The following SMUG1 variants were observed in gnomAD, a reference collection of about 807,000 sequenced individuals.
The protein encoded by SMUG1 is single-strand selective monofunctional uracil DNA glycosylase.
Under a neutral mutation model 23.9 loss-of-function variants are expected in SMUG1, and 13 were observed. The ratio of observed to expected loss-of-function variants is 0.54; its 90% confidence interval spans 0.35 to 0.86. The LOEUF (loss-of-function observed/expected upper bound fraction) is 0.86. SMUG1 is among the 40% of genes least tolerant of loss of function. The pLI, the probability that SMUG1 is intolerant of heterozygous loss-of-function variation, is 0.01. For synonymous variants in SMUG1, 133 were observed against 139.8 expected (o/e 0.95, Z 0.34); for missense variants, 313 against 339.5 (o/e 0.92, Z 0.61).
At chr12:54,168,790 G>T (rs917910721) in intron 3 of SMUG1, among the ~76,000 whole-genome samples, 1 of 152,122 alleles carries the variant, frequency 6.6e-6, no homozygotes, top group Non-Finnish European at 1.5e-5. Flanking sequence ...AGACCCCAAA[G>T]CTGATGAGGG....
chr12:54,163,653 C>T (rs1940345420), downstream of SMUG1, among the ~76,000 whole-genome samples: 1 of 152,116 alleles, frequency 6.6e-6, no homozygotes, highest in Non-Finnish European at 1.5e-5. Flanking sequence ...CAGCTTCTTC[C>T]AGGGCTGGAA....
downstream of SMUG1, among the ~76,000 whole-genome samples, chr12:54,176,507 T>TCCCTCC (rs1555199084): frequency 1.6e-5 from 1 of 64,394 alleles, no homozygotes; most frequent in Admixed American, 1.5e-4. Flanking sequence ...GAAGATCCTG[T>TCCCTCC]CCCCCCCCAA....
At chr12:54,184,110 A>T in intron 2 of SMUG1, 151 bp from the exon 3 acceptor site, 1 of 564,964 alleles carries the variant, frequency 1.8e-6, no homozygotes, top group East Asian at 3.0e-5. Flanking sequence ...AGTAGGACTG[A>T]ACTCATCTCA....
At chr12:54,180,089 C>G (rs1940862534), downstream of SMUG1, among the ~76,000 whole-genome samples, 1 of 152,228 alleles carries the variant, frequency 6.6e-6, no homozygotes, top group Non-Finnish European at 1.5e-5. Flanking sequence ...TCTAGCCCCT[C>G]TCCCCTCCCT....
rs758092563 is a variant in SMUG1, at chr12:54,183,758, T to G, written c.183A>C (p.Ala61=). The G allele has an allele frequency of 3.7e-6, 6 of 1,613,964 alleles. No homozygotes were observed. The South Asian group carries it at 6.6e-5, about 18-fold the overall frequency. The change falls in exon 3 of 4, where the codon GCA becomes GCC. Residue 61 remains alanine, a synonymous_variant. Coordinates refer to ENST00000682136, the MANE Select transcript of SMUG1 (RefSeq NM_001243787.2). The part of the protein sequence containing the change: ...VGIIYNPVEY[A]WEPHRNYVTR... ...TCACGTAGTTGCGATGTGGCTCCCA[T>G]GCATACTCCACGGGATTGTAGATGA...
At chr12:54,169,741 T>C (rs1940566684) in intron 3 of SMUG1, among the ~76,000 whole-genome samples, 1 of 152,246 alleles carries the variant, frequency 6.6e-6, no homozygotes, top group African/African-American at 2.4e-5. Flanking sequence ...AGTCCTCCAC[T>C]GCTATTCTGC....
At chr12:54,168,429 A>G (rs918822890) in intron 3 of SMUG1, 3 of 152,196 alleles carry the variant, frequency 2.0e-5, no homozygotes, top group Admixed American at 2.0e-4. Context: ...GACCTATTCA[A>G]TCCAACTCTC....
intron 3 of SMUG1, chr12:54,183,125 C>T: frequency 5.3e-6 from 1 of 188,294 alleles, no homozygotes; most frequent in Non-Finnish European, 1.1e-5. Flanking sequence ...GAAGCCTCTT[C>T]CCCTCCCCCA....
Position 54,175,322 on chromosome 12 carries a change from C to A in SMUG1, c.399-3213G>T, listed in dbSNP as rs547376083. Among the ~76,000 whole-genome samples the A allele has an allele frequency of 2.5e-4, 38 of 152,322 alleles. 1 individual carries two copies. Among genetic ancestry groups the A allele is most frequent in the East Asian group, 9.6e-4 (5 of 5,190 alleles). On this transcript the variant is annotated intron_variant and NMD_transcript_variant, in intron 2 of 4. Transcript: ENST00000509864. Reference sequence around the variant, plus strand: ...CACCATCTGCTGCAGTTTTCCATCCCCAAAGTTAACAGATGTGTTCTGAAA... The same window carrying A: ...CACCATCTGCTGCAGTTTTCCATCCACAAAGTTAACAGATGTGTTCTGAAA...
In SMUG1 at chr12:54,184,099, A is replaced by AAGTAGGACTG; in HGVS notation, c.-19-150_-19-141dup. 7.9e-6 allele frequency: 5 copies of AAGTAGGACTG among 635,638 alleles called. No individual in the cohort carries two copies. In the South Asian group the frequency reaches 1.3e-4, roughly 16 times the overall value. The allele number at this position is 635,638 out of a possible 1,614,324, so 39.4% of individuals were successfully genotyped here. On this transcript the variant is annotated intron_variant, in intron 2 of 3. Transcript: ENST00000682136. ...CCATGTCAGTCATCTACCAACCACC[A>AAGTAGGACTG]AGTAGGACTGAACTCATCTCAGTTC... is the stretch of plus-strand genomic sequence containing the variant.
downstream of SMUG1, chr12:54,163,173 A>G (rs990107927): frequency 6.6e-6 from 1 of 152,228 alleles, no homozygotes; most frequent in African/African-American, 2.4e-5. Context: ...GATGGACCAC[A>G]AGAACTGCTC....
chr12:54,181,838 A>G lies in SMUG1; in HGVS notation c.*258T>C. 1 of 1,422,180 alleles carries G rather than the reference A, an allele frequency of 7.0e-7. No homozygotes were observed. Among genetic ancestry groups the G allele is most frequent in the South Asian group, 1.6e-5 (1 of 62,436 alleles). 88.1% of individuals were successfully genotyped at this position (1,422,180 alleles called of 1,614,324 possible). On this transcript the variant is annotated 3_prime_UTR_variant, in exon 4 of 4. Transcript: ENST00000682136. ...AAGTGCAAAAGCACACCTTCTGCAG[A>G]TTCCCTACAAAGTGGGGTCCCCTGA... is the stretch of plus-strand genomic sequence containing the variant.
downstream of SMUG1, chr12:54,164,272 G>T (rs1940367860): frequency 6.6e-6 from 1 of 151,904 alleles, no homozygotes; most frequent in South Asian, 2.1e-4. Context: ...GGGGATGGGG[G>T]AAACAAAGGT....
In SMUG1 at chr12:54,181,531, T is replaced by C; in HGVS notation, c.*565A>G. 6.5e-7 allele frequency: 1 copy of C among 1,537,710 alleles called. No individual in the cohort carries two copies. Among genetic ancestry groups the C allele is most frequent in the Non-Finnish European group, 8.7e-7 (1 of 1,147,228 alleles). ...AAAGTTCCAAGTTTCAAAGCTGGGATGAAAAGCCAGGTCTTCTGACTTGCA... is the reference window on the plus strand; with the variant it reads ...AAAGTTCCAAGTTTCAAAGCTGGGACGAAAAGCCAGGTCTTCTGACTTGCA... On this transcript the variant is annotated 3_prime_UTR_variant, in exon 4 of 4. Transcript: ENST00000682136.
At chr12:54,186,488 C>T (rs951989880) in intron 2 of SMUG1, among the ~76,000 whole-genome samples, 3 of 152,084 alleles carry the variant, frequency 2.0e-5, no homozygotes, top group African/African-American at 7.2e-5. Flanking sequence ...ATTACAGGTG[C>T]GCAGCACCAC....
intron 3 of SMUG1, among the ~76,000 whole-genome samples, chr12:54,171,405 C>T (rs777894060): frequency 6.6e-6 from 1 of 151,182 alleles, no homozygotes; most frequent in Non-Finnish European, 1.5e-5. Flanking sequence ...AAACTATAGA[C>T]TTGTGGTCGG....
In SMUG1 at chr12:54,182,339, A is replaced by T; in HGVS notation, c.570T>A (p.Leu190=). 5.0e-6 allele frequency: 8 copies of T among 1,614,108 alleles called. No homozygotes were observed. The highest frequency in any genetic ancestry group is 6.8e-6 in the Non-Finnish European group (8 of 1,180,014). The change falls in exon 4 of 4, where the codon CTT becomes CTA. Residue 190 remains leucine (L), a synonymous_variant. Transcript: ENST00000682136. ...AELPAKQREQ[L]LGICDAALCR... ...AGAGGGCTGCATCACAGATCCCAAG[A>T]AGCTGTTCTCGCTGCTTGGCAGGCA...
intron 3 of SMUG1, among the ~76,000 whole-genome samples, chr12:54,167,458 G>A (rs549084706): frequency 6.6e-6 from 1 of 152,320 alleles, no homozygotes; most frequent in East Asian, 1.9e-4. Context: ...CCTCCAGGGA[G>A]TACAGACAGA....
chr12:54,159,271 C>G (rs954456553), intron 4 of SMUG1, among the ~76,000 whole-genome samples: 1 of 152,200 alleles, frequency 6.6e-6, no homozygotes, highest in Admixed American at 6.5e-5. Context: ...AGTCCGTCCC[C>G]CAACAGGTAG....
Sources: gnomAD v4.1 joint callset for allele counts (sites outside exome capture counted in the v4.1 genomes callset) on GRCh38, gnomAD v4.1.1 for gene constraint, MANE v1.5 for transcripts, NCBI Gene and HGNC (gene_info 2026-07-23, HGNC 2026-07-21) for gene names.